Variants in SSH2 observed in about 807,000 individuals in gnomAD.
SSH2 encodes the protein protein phosphatase Slingshot homolog 2.
A neutral mutation model predicts 135.2 loss-of-function variants in SSH2; 37 were observed. That is an observed-to-expected ratio of 0.27 (90% CI 0.21 to 0.36). The LOEUF (loss-of-function observed/expected upper bound fraction) is 0.36. Ranked by LOEUF, SSH2 falls within the 10% of genes least tolerant of loss-of-function variation. The pLI is 1.00. For missense variants in SSH2, 1,408 were observed against 1,765.3 expected (o/e 0.80, Z 3.63); for synonymous variants, 628 against 646.2 (o/e 0.97, Z 0.43).
chr17:29,859,171 C>G (rs1378304868), intron 1 of SSH2, among the ~76,000 whole-genome samples: 1 of 152,118 alleles, frequency 6.6e-6, no homozygotes, highest in Non-Finnish European at 1.5e-5. Flanking sequence ...CATCTAGTGG[C>G]TATCTGCATT....
chr17:29,715,386 C>T (rs549021699), intron 3 of SSH2, among the ~76,000 whole-genome samples: 43 of 152,152 alleles, frequency 2.8e-4, no homozygotes, highest in African/African-American at 9.6e-4. Context: ...GTTAGGACTA[C>T]AGGTGCCCGC....
intron 3 of SSH2, among the ~76,000 whole-genome samples, chr17:29,711,498 A>G (rs912770404): frequency 1.3e-5 from 2 of 152,194 alleles, no homozygotes; most frequent in African/African-American, 4.8e-5. Flanking sequence ...ATAATTTAGG[A>G]TCAATAATTT....
chr17:29,889,950 C>T lies in SSH2; in HGVS notation c.63+39988G>A, dbSNP rs539270854. On this transcript the variant is annotated intron_variant, in intron 1 of 15. Transcript: ENST00000540801. Reference sequence around the variant, plus strand: ...CTCCAGCCTGGGAAACAGAGCAAGACCCCAGTCTCTAAAAAATTTTTTTAA... The same window carrying T: ...CTCCAGCCTGGGAAACAGAGCAAGATCCCAGTCTCTAAAAAATTTTTTTAA... 4.0e-5 allele frequency among the ~76,000 whole-genome samples: 6 copies of T among 151,514 alleles called. No individual in the cohort carries two copies. The South Asian group carries it at 1.3e-3, about 32-fold the overall frequency.
intron 1 of SSH2, among the ~76,000 whole-genome samples, chr17:29,891,791 A>C (rs935086534): frequency 6.6e-6 from 1 of 152,198 alleles, no homozygotes; most frequent in Non-Finnish European, 1.5e-5. Context: ...GTCTCAGTAC[A>C]GACCACACCA....
intron 1 of SSH2, among the ~76,000 whole-genome samples, chr17:29,849,427 C>G (rs1043490826): frequency 2.8e-5 from 4 of 142,282 alleles, no homozygotes; most frequent in Non-Finnish European, 6.0e-5. Context: ...TGCAGTGAGC[C>G]GAGATCGCGC....
intron 11 of SSH2, among the ~76,000 whole-genome samples, chr17:29,661,309 T>A (rs1467059218): frequency 6.6e-6 from 1 of 152,152 alleles, no homozygotes; most frequent in African/African-American, 2.4e-5. Context: ...CCTAGTCTCA[T>A]ACCTCACACA....
intron 2 of SSH2, among the ~76,000 whole-genome samples, chr17:29,815,364 C>T (rs1306823911): frequency 3.9e-5 from 6 of 152,000 alleles, no homozygotes; most frequent in Admixed American, 1.3e-4. Context: ...CCTCGTGATC[C>T]GCCCGCCTTG....
At chr17:29,683,659 G>A (rs185687826) in intron 6 of SSH2, among the ~76,000 whole-genome samples, 1 of 152,110 alleles carries the variant, frequency 6.6e-6, no homozygotes, top group East Asian at 1.9e-4. Context: ...CAGGTGCAAG[G>A]CTCATGCCTG....
intron 14 of SSH2, among the ~76,000 whole-genome samples, chr17:29,639,212 G>A (rs1456489598): frequency 1.3e-5 from 2 of 152,148 alleles, no homozygotes; most frequent in Admixed American, 6.5e-5. Flanking sequence ...GTCTGAGGTA[G>A]GGAGGAGATT....
At chr17:29,841,056 C>G (rs1462104350) in intron 2 of SSH2, among the ~76,000 whole-genome samples, 1 of 152,088 alleles carries the variant, frequency 6.6e-6, no homozygotes, top group African/African-American at 2.4e-5. Flanking sequence ...GTCAAGAAGT[C>G]AGGAAAGTGG....
intron 1 of SSH2, among the ~76,000 whole-genome samples, chr17:29,900,564 C>A: frequency 6.6e-6 from 1 of 152,170 alleles, no homozygotes; most frequent in Non-Finnish European, 1.5e-5. Flanking sequence ...AAATGCAAAT[C>A]AAAACCACAA....
rs1264593827 is a variant in SSH2, at chr17:29,672,142, C to T, written c.615-13G>A. Reference sequence around the variant, plus strand: ...CTGTAGTGCAGACCTGAAAGACATGCTGGGAAATGAGCACCATAGAACTGT... The same window carrying T: ...CTGTAGTGCAGACCTGAAAGACATGTTGGGAAATGAGCACCATAGAACTGT... On this transcript the variant is annotated splice_polypyrimidine_tract_variant and intron_variant, in intron 8 of 15. Coordinates refer to ENST00000540801, the MANE Select transcript of SSH2 (RefSeq NM_001282129.2). The T allele has an allele frequency of 9.9e-6, 16 of 1,609,432 alleles. No homozygotes were observed. Among genetic ancestry groups the T allele is most frequent in the Non-Finnish European group, 1.4e-5 (16 of 1,177,296 alleles).
intron 2 of SSH2, among the ~76,000 whole-genome samples, chr17:29,832,504 T>A (rs1475465334): frequency 6.6e-6 from 1 of 152,258 alleles, no homozygotes; most frequent in African/African-American, 2.4e-5. Context: ...CAAGAAATTT[T>A]AAAATTTCTT....
intron 1 of SSH2, chr17:29,863,278 G>GCTT (rs2151410769): frequency 6.6e-6 from 1 of 152,158 alleles, no homozygotes; most frequent in African/African-American, 2.4e-5. Flanking sequence ...TCTCCCTGTG[G>GCTT]CTTCTGTTTC....
intron 3 of SSH2, chr17:29,761,018 G>T: frequency 2.1e-6 from 2 of 931,564 alleles, no homozygotes; most frequent in Middle Eastern, 3.1e-4. Flanking sequence ...GACGCACGGA[G>T]ACCTCCAGGC....
At position 29,735,209 on chromosome 17, in the gene SSH2, A is replaced by G. The variant is rs558727409; in HGVS notation, c.189-32147T>C. 3.3e-5 allele frequency among the ~76,000 whole-genome samples: 5 copies of G among 152,292 alleles called. No homozygotes were observed. In the East Asian group the frequency reaches 9.6e-4, roughly 29 times the overall value. On this transcript the variant is annotated intron_variant, in intron 3 of 15. Transcript: ENST00000540801. Reference sequence around the variant, plus strand: ...ACTAAAGGAACCTGATAAACACCCTAAAGAAATTATGGGTAGGTAAGAATT... The same window carrying G: ...ACTAAAGGAACCTGATAAACACCCTGAAGAAATTATGGGTAGGTAAGAATT...
chr17:29,761,704 T>C (rs935383534), intron 3 of SSH2, among the ~76,000 whole-genome samples: 8 of 152,136 alleles, frequency 5.3e-5, no homozygotes, highest in Non-Finnish European at 1.0e-4. Flanking sequence ...CTCTTAAAGA[T>C]TGGCTCTATA....
At chr17:29,663,551 A>T (rs2037140321) in intron 11 of SSH2, among the ~76,000 whole-genome samples, 1 of 152,218 alleles carries the variant, frequency 6.6e-6, no homozygotes, top group African/African-American at 2.4e-5. Context: ...AGAGATCCTC[A>T]ATTTTGAAGT....
intron 2 of SSH2, among the ~76,000 whole-genome samples, chr17:29,839,376 T>C (rs573272077): frequency 3.9e-5 from 6 of 152,328 alleles, no homozygotes; most frequent in South Asian, 2.1e-4. Flanking sequence ...AAAGGCGCCA[T>C]TGGCCACAGA....
Sources: allele counts gnomAD v4.1 joint callset (sites outside exome capture counted in the v4.1 genomes callset), GRCh38; gene constraint gnomAD v4.1.1; transcripts MANE v1.5; gene names NCBI Gene and HGNC (gene_info 2026-07-23, HGNC 2026-07-21).